The following TSC2 variants were observed in gnomAD, a reference collection of about 807,000 sequenced individuals.
The protein encoded by TSC2 is TSC complex subunit 2.
TSC2 carries 29 observed loss-of-function variants against 202.2 expected under a neutral mutation model. The observed-to-expected ratio is 0.14, with a 90% CI of 0.11 to 0.20. The LOEUF is 0.20. TSC2 is among the 10% of genes least tolerant of loss of function. The probability of loss-of-function intolerance (pLI) is 1.00; values close to 1 mark genes in which losing one functional copy is unlikely to be tolerated. For synonymous variants in TSC2, 1,349 were observed against 1,044.0 expected (o/e 1.29, Z -5.63); for missense variants, 2,429 against 2,420.0 (o/e 1.00, Z -0.08).
At chr16:2,072,420 G>T in intron 20 of TSC2, 57 bp downstream of exon 20, 1 of 1,608,630 alleles carries the variant, frequency 6.2e-7, no homozygotes, top group African/African-American at 1.3e-5. Context: ...TTCCCCAAAA[G>T]ACTGCGAGCC....
At chr16:2,048,387 C>T in intron 1 of TSC2, 200 bp from the exon 2 acceptor site, 1 of 849,934 alleles carries the variant, frequency 1.2e-6, no homozygotes, top group Non-Finnish European at 2.0e-6. Flanking sequence ...GCTCTCTAGA[C>T]CAGGCCTGGT....
chr16:2,055,097 C>G (rs771797377), intron 5 of TSC2: 19 of 459,420 alleles, frequency 4.1e-5, no homozygotes, highest in Non-Finnish European at 7.3e-5. Context: ...CTGGTGATGT[C>G]GGCGTCTCCC....
Position 2,076,569 on chromosome 16 carries a change from A to G in TSC2, c.2821A>G (p.Asn941Asp), listed in dbSNP as rs878854087. ...CTTCAGGGCCCGGAGTACTAGTCTC[A>G]ACGAGAGACCCAAGAGGTACGGCCT... ...DSFRARSTSL[N>D]ERPKSLRIAR... Residue 941 changes from asparagine (N) to aspartate (D), a missense_variant, in exon 25 of 42, where the codon AAC (asparagine) becomes GAC (aspartate). Physicochemically the swap from Asn to Asp is conservative, Grantham distance 23. Transcript: ENST00000219476. The G allele has an allele frequency of 1.9e-6, 3 of 1,612,968 alleles. No individual in the cohort carries two copies. The African/African-American group carries it at 4.0e-5, about 22-fold the overall frequency.
At position 2,048,569 on chromosome 16, in the gene TSC2, C is replaced by A. The variant is rs1319033169; in HGVS notation, c.-29-18C>A. The A allele has an allele frequency of 1.2e-6, 2 of 1,613,362 alleles. No homozygotes were observed. Among genetic ancestry groups the A allele is most frequent in the East Asian group, 2.2e-5 (1 of 44,882 alleles). ...GAGGTGTTGCTCAGATGTCCCCATT[C>A]CTGTTTCGTTTGCACAGAGGGGTTT... is the stretch of plus-strand genomic sequence containing the variant. On this transcript the variant is annotated intron_variant, in intron 1 of 41. Transcript: ENST00000219476.
chr16:2,048,845 G>A, intron 2 of TSC2, 92 bp downstream of exon 2: 1 of 1,558,942 alleles, frequency 6.4e-7, no homozygotes, highest in Non-Finnish European at 8.8e-7. Context: ...GAGACGGGTT[G>A]CTGGCAACTG....
At chr16:2,060,128 A>T (rs1365763836) in intron 10 of TSC2, among the ~76,000 whole-genome samples, 4 of 152,132 alleles carry the variant, frequency 2.6e-5, no homozygotes, top group Non-Finnish European at 1.5e-5. Flanking sequence ...CGTGGCACAG[A>T]CGCTGGTGGT....
At position 2,079,745 on chromosome 16, in the gene TSC2, GGCCCCGA is replaced by G. The variant is rs2089894392; in HGVS notation, c.3397+81_3397+87del. The G allele has an allele frequency of 6.9e-7, 1 of 1,457,978 alleles. No individual in the cohort carries two copies. Among genetic ancestry groups the G allele is most frequent in the East Asian group, 2.5e-5 (1 of 40,308 alleles). The allele number at this position is 1,457,978 out of a possible 1,614,324, so 90.3% of individuals were successfully genotyped here. On this transcript the variant is annotated intron_variant, in intron 29 of 41. Transcript: ENST00000219476. The surrounding 1 kb of genome is among the most constrained non-coding windows in gnomAD (Gnocchi z 4.6). ...TGCTGCTGGTCCCAGTGTTCAGGAA[GGCCCCGA>G]GCCCAGGGGCCGGGGTGGCTGGCTT...
At chr16:2,075,652 C>A in intron 22 of TSC2, 147 bp from the exon 23 acceptor site, 1 of 783,680 alleles carries the variant, frequency 1.3e-6, no homozygotes, top group South Asian at 1.5e-5. Flanking sequence ...AGAGTTGAGG[C>A]CAGGGTCGGG....
Position 2,065,577 on chromosome 16 carries a change from A to G in TSC2, c.1658A>G (p.Tyr553Cys), listed in dbSNP as rs1319281731. 1.9e-6 allele frequency: 3 copies of G among 1,613,762 alleles called. No individual in the cohort carries two copies. The Middle Eastern group carries it at 4.9e-4, about 266-fold the overall frequency. ...CTGGAAGAAAGGGATGTGGCCGCAT[A>G]CTCGGCCTCCTTGGAGGATGTGAAG... The part of the protein sequence containing the change: ...PELEERDVAA[Y>C]SASLEDVKTA... Residue 553 changes from tyrosine (Y) to cysteine (C), a missense_variant, in exon 16 of 42, where the codon TAC (tyrosine) becomes TGC (cysteine). Tyr to Cys is a radical substitution (Grantham distance 194). Coordinates refer to ENST00000219476, the MANE Select transcript of TSC2 (RefSeq NM_000548.5).
chr16:2,085,069 G>C, intron 35 of TSC2, 43 bp downstream of exon 35: 1 of 1,611,340 alleles, frequency 6.2e-7, no homozygotes, highest in Middle Eastern at 1.6e-4. Context: ...GAGCTGTGTG[G>C]CTCGGGTGAA....
intron 32 of TSC2, 96 bp downstream of exon 32, chr16:2,082,600 T>TCC: frequency 7.2e-7 from 1 of 1,380,392 alleles, no homozygotes; most frequent in East Asian, 2.3e-5. Flanking sequence ...CCATGGTCCG[T>TCC]CTGCCTCCAT....
At position 2,071,512 on chromosome 16, in the gene TSC2, C is replaced by G. The variant is rs201575136; in HGVS notation, c.1842C>G (p.Ala614=). 3.1e-6 allele frequency: 5 copies of G among 1,613,488 alleles called. No homozygotes were observed. In the African/African-American group the frequency reaches 4.0e-5, roughly 13 times the overall value. The change falls in exon 18 of 42, where the codon GCC becomes GCG. Residue 614 remains alanine (A), a splice_region_variant and synonymous_variant. Transcript: ENST00000219476. The stretch of plus-strand genomic sequence containing the variant: ...TTTCACCATCCTCTTCCTGACAGGC[C>G]TTTGACTTCCTGTTGCTGCTGCGGG... ...LPIASSIRLQ[A]FDFLLLLRAD...
intron 36 of TSC2, among the ~76,000 whole-genome samples, chr16:2,085,848 C>T (rs778794259): frequency 4.6e-5 from 7 of 152,154 alleles, no homozygotes; most frequent in African/African-American, 1.4e-4. Context: ...CGCCCAGTCT[C>T]AGTGAGTCCC....
Position 2,067,595 on chromosome 16 carries a change from A to AC in TSC2, c.1716+1964dup, listed in dbSNP as rs1397375429. On this transcript the variant is annotated intron_variant, in intron 16 of 41. Coordinates refer to ENST00000219476, the MANE Select transcript of TSC2 (RefSeq NM_000548.5). ...AGACCAGCCTGACCAACATGGAGAA[A>AC]CCCCGTCTCTACTAAAAATACAAAA... 2.0e-5 allele frequency among the ~76,000 whole-genome samples: 3 copies of AC among 151,658 alleles called. No homozygotes were observed. In the East Asian group the frequency reaches 5.9e-4, roughly 30 times the overall value.
Position 2,061,593 on chromosome 16 carries a change from C to G in TSC2, c.1120-278C>G. ...TTGGGGGGTGGGGTACGGGCAGGAA[C>G]AGCAGCTGCCATCACAGCCACTGTG... On this transcript the variant is annotated intron_variant, in intron 11 of 41. Transcript: ENST00000219476. 5.8e-6 allele frequency: 3 copies of G among 516,746 alleles called. No homozygotes were observed. The South Asian group carries it at 5.9e-5, about 10-fold the overall frequency. The allele number at this position is 516,746 out of a possible 1,614,324, so 32.0% of individuals were successfully genotyped here. A position where few individuals can be genotyped will look rare whatever the true frequency, so the allele number is the denominator to read the frequency against.
At position 2,088,870 on chromosome 16, in the gene TSC2, CGT is replaced by C. The variant is rs570784945; in HGVS notation, c.*262_*263del. 394 of 500,140 alleles carry C rather than the reference CGT, an allele frequency of 7.9e-4. 2 individuals are homozygous for C. The African/African-American group carries it at 9.9e-3, about 13-fold the overall frequency. 31.0% of individuals were successfully genotyped at this position (500,140 alleles called of 1,614,324 possible). On this transcript the variant is annotated 3_prime_UTR_variant, in exon 42 of 42. Coordinates refer to ENST00000219476, the MANE Select transcript of TSC2 (RefSeq NM_000548.5). ...GCCTGGGCCATACAGCACACTCGCG[CGT>C]GCGCGCGCGCACACACACACACACA...
At chr16:2,064,191 C>A (rs371109365) in intron 14 of TSC2, 81 bp from the exon 15 acceptor site, 2 of 1,604,498 alleles carry the variant, frequency 1.2e-6, no homozygotes, top group South Asian at 1.1e-5. Context: ...GCTTGCGGGT[C>A]GGTTCCTGAG....
Position 2,086,739 on chromosome 16 carries a change from C to T in TSC2, c.4857C>T (p.Phe1619=), listed in dbSNP as rs1596443022. The change falls in exon 38 of 42, where the codon TTC becomes TTT. Residue 1619 remains phenylalanine (F), a synonymous_variant. Transcript: ENST00000219476. ...GGCCCTGCTCACCCTCAGCCGTCTT[C>T]CACATCGCCACCCTGATGCCCACCA... is the stretch of plus-strand genomic sequence containing the variant. ...CWHDDIMQAV[F]HIATLMPTKD... is the part of the protein sequence containing the mutation. 1 of 1,610,498 alleles carries T rather than the reference C, an allele frequency of 6.2e-7. No individual in the cohort carries two copies. The highest frequency in any genetic ancestry group is 8.5e-7 in the Non-Finnish European group (1 of 1,179,950).
At chr16:2,048,777 G>A (rs2150974853) in intron 2 of TSC2, 24 bp downstream of exon 2, 4 of 1,613,952 alleles carry the variant, frequency 2.5e-6, no homozygotes, top group Non-Finnish European at 8.5e-7. Flanking sequence ...CTGTGTCTTT[G>A]CTAGGCTAGA....
Sources: allele counts gnomAD v4.1 joint callset (sites outside exome capture counted in the v4.1 genomes callset), GRCh38; gene constraint gnomAD v4.1.1; non-coding constraint Gnocchi (gnomAD v3.1); transcripts MANE v1.5; gene names NCBI Gene and HGNC (gene_info 2026-07-23, HGNC 2026-07-21).